Variants in DNAI7 observed in about 807,000 individuals in gnomAD.
The protein encoded by DNAI7 is dynein axonemal intermediate chain 7.
DNAI7 carries 78 observed loss-of-function variants against 86.6 expected under a neutral mutation model. The ratio of observed to expected loss-of-function variants is 0.90; its 90% CI spans 0.75 to 1.09. The LOEUF (loss-of-function observed/expected upper bound fraction) is 1.09, where lower values mean the gene tolerates loss of function less well. Ranked by LOEUF, DNAI7 falls within the 50% of genes least tolerant of loss-of-function variation. DNAI7 has a pLI of 0.00. For missense variants in DNAI7, 753 were observed against 810.2 expected, an observed-to-expected ratio of 0.93 and a Z score of 0.86; for synonymous variants, 274 against 273.0, an observed-to-expected ratio of 1.00 and a Z score of -0.04.
intron 8 of DNAI7, among the ~76,000 whole-genome samples, chr12:25,146,359 G>A (rs953769582): frequency 6.6e-6 from 1 of 152,088 alleles, no homozygotes; most frequent in African/African-American, 2.4e-5. Flanking sequence ...CACTTTGGAA[G>A]GCCGAGGCAG....
rs753462652 is a variant in DNAI7, at chr12:25,151,006, A to C, written c.439-1232T>G. Among the ~76,000 whole-genome samples, 287 of 152,370 alleles carry C rather than the reference A, an allele frequency of 1.9e-3. 13 individuals are homozygous for C. Among genetic ancestry groups the C allele is most frequent in the Non-Finnish European group, 1.5e-3 (104 of 68,036 alleles). On this transcript the variant is annotated intron_variant, in intron 6 of 15. Transcript: ENST00000395987. ...TGTTACTGTGCATATTTTACAGATA[A>C]TGAAACTGAGGCACAGTGTGATGAA...
intron 11 of DNAI7, among the ~76,000 whole-genome samples, chr12:25,119,653 A>G (rs1005033714): frequency 1.3e-5 from 2 of 152,238 alleles, no homozygotes; most frequent in Admixed American, 6.5e-5. Context: ...AAGTGGCACC[A>G]GAACTCAAAA....
chr12:25,188,079 C>G (rs370027802), intron 2 of DNAI7, among the ~76,000 whole-genome samples: 8 of 152,176 alleles, frequency 5.3e-5, no homozygotes, highest in East Asian at 3.9e-4. Flanking sequence ...GGTAATAAGC[C>G]CAACTGACAG....
At chr12:25,153,265 T>C (rs543142785) in intron 6 of DNAI7, among the ~76,000 whole-genome samples, 8 of 152,012 alleles carry the variant, frequency 5.3e-5, no homozygotes, top group South Asian at 4.2e-4. Flanking sequence ...CTACTAAAAA[T>C]ACAAAAATTA....
intron 2 of DNAI7, among the ~76,000 whole-genome samples, chr12:25,174,377 T>TATATGATATATATATCA (rs368509269): frequency 9.6e-4 from 1 of 1,046 alleles, no homozygotes. Flanking sequence ...ATATGTTATA[T>TATATGATATATATATCA]CATATATATG....
chr12:25,178,382 T>C (rs1318247890), intron 2 of DNAI7, among the ~76,000 whole-genome samples: 1 of 152,180 alleles, frequency 6.6e-6, no homozygotes, highest in East Asian at 1.9e-4. Context: ...TATATTGGCA[T>C]AAAAAGTTGC....
chr12:25,144,338 A>G, intron 9 of DNAI7, 27 bp downstream of exon 9: 1 of 1,566,836 alleles, frequency 6.4e-7, no homozygotes. Flanking sequence ...ATGAATAAAA[A>G]AATGTGTATA....
intron 2 of DNAI7, among the ~76,000 whole-genome samples, chr12:25,164,239 T>C (rs1028761688): frequency 4.7e-5 from 7 of 149,664 alleles, no homozygotes; most frequent in African/African-American, 1.7e-4. Flanking sequence ...CCCTTCTCCT[T>C]CACCCTTAGC....
At chr12:25,150,330 C>T (rs868047404) in intron 6 of DNAI7, among the ~76,000 whole-genome samples, 4 of 152,092 alleles carry the variant, frequency 2.6e-5, no homozygotes, top group Middle Eastern at 3.4e-3. Flanking sequence ...GGAGGCCGGG[C>T]GCAGTGGCTC....
In DNAI7 at chr12:25,122,776, T is replaced by C. The variant is rs60662879; in HGVS notation, c.1078+435A>G. 4.5e-3 allele frequency among the ~76,000 whole-genome samples: 683 copies of C among 152,332 alleles called. 8 individuals are homozygous for C. Among genetic ancestry groups the C allele is most frequent in the African/African-American group, 0.015 (639 of 41,578 alleles). On this transcript the variant is annotated intron_variant, in intron 10 of 15. Coordinates refer to ENST00000395987, the MANE Select transcript of DNAI7 (RefSeq NM_018272.5). ...GTACTTGTGAAAGTTCATTACAATA[T>C]TGTAGTAATACAAAATTAGAAACAA... is the stretch of plus-strand genomic sequence containing the variant.
At chr12:25,141,706 G>A (rs146982696) in intron 9 of DNAI7, among the ~76,000 whole-genome samples, 27 of 152,096 alleles carry the variant, frequency 1.8e-4, no homozygotes, top group African/African-American at 5.3e-4. Context: ...GGCACGTGCC[G>A]GCAATCCCAG....
At chr12:25,109,098 CAG>C (rs774663063) in intron 15 of DNAI7, among the ~76,000 whole-genome samples, 13 of 152,158 alleles carry the variant, frequency 8.5e-5, no homozygotes, top group Non-Finnish European at 1.9e-4. Context: ...GGGGATATAA[CAG>C]AGAAAGAAAA....
chr12:25,150,813 C>A (rs1945448657), intron 6 of DNAI7, among the ~76,000 whole-genome samples: 1 of 151,890 alleles, frequency 6.6e-6, no homozygotes, highest in Admixed American at 6.6e-5. Flanking sequence ...TTACCTAAGA[C>A]TGAGAGATAA....
At chr12:25,122,002 G>T in intron 10 of DNAI7, 89 bp from the exon 11 acceptor site, 1 of 901,024 alleles carries the variant, frequency 1.1e-6, no homozygotes, top group Non-Finnish European at 1.7e-6. Context: ...TACTGGTAAA[G>T]GAAGTTTCTA....
rs34138209 is a variant in DNAI7, at chr12:25,122,448, C to CAA, written c.1079-537_1079-536dup. 6.0e-3 allele frequency among the ~76,000 whole-genome samples: 463 copies of CAA among 76,566 alleles called. 7 individuals carry two copies. The highest frequency in any genetic ancestry group is 0.02 in the African/African-American group (388 of 18,974). The allele number at this position is 76,566 out of a possible 152,430, so 50.2% of individuals were successfully genotyped here. A position where few individuals can be genotyped will look rare whatever the true frequency, so the allele number is the denominator to read the frequency against. On this transcript the variant is annotated intron_variant, in intron 10 of 15. Transcript: ENST00000395987. ...TGGGCAATAGAGCAAGATCTCATCT[C>CAA]AAAAAAAAAAAAAAAAAAAAGAAGG...
At chr12:25,164,796 T>C (rs897670038) in intron 2 of DNAI7, among the ~76,000 whole-genome samples, 2 of 152,072 alleles carry the variant, frequency 1.3e-5, no homozygotes, top group Non-Finnish European at 2.9e-5. Context: ...CAGACCCATC[T>C]GACTTCTCCC....
At chr12:25,149,913 T>C in intron 6 of DNAI7, 139 bp from the exon 7 acceptor site, 1 of 548,052 alleles carries the variant, frequency 1.8e-6, no homozygotes. Flanking sequence ...ATTTATTCTG[T>C]AATTTAAGAT....
chr12:25,125,072 A>G lies in DNAI7; in HGVS notation c.1003-1786T>C, dbSNP rs1486707331. Among the ~76,000 whole-genome samples, 24 of 152,296 alleles carry G rather than the reference A, an allele frequency of 1.6e-4. 1 individual carries two copies. The East Asian group carries it at 3.9e-3, about 24-fold the overall frequency. On this transcript the variant is annotated intron_variant, in intron 9 of 15. Transcript: ENST00000395987. ...CTCTGCTATTGTGAAGAGTGCTACA[A>G]TGAACATTCACGTTCATGTGACTTT... is the stretch of plus-strand genomic sequence containing the variant.
At chr12:25,117,273 A>G (rs1940312535) in intron 12 of DNAI7, among the ~76,000 whole-genome samples, 1 of 152,244 alleles carries the variant, frequency 6.6e-6, no homozygotes, top group South Asian at 2.1e-4. Flanking sequence ...GAATATAAAT[A>G]ATACATCTTG....
Sources: allele counts gnomAD v4.1 joint callset (sites outside exome capture counted in the v4.1 genomes callset), GRCh38; gene constraint gnomAD v4.1.1; transcripts MANE v1.5; gene names NCBI Gene and HGNC (gene_info 2026-07-23, HGNC 2026-07-21).